AP1M1: variants seen among roughly 807,000 people sequenced by gnomAD.
AP1M1 encodes the protein AP-1 complex subunit mu-1.
A neutral mutation model predicts 57.1 loss-of-function variants in AP1M1; 18 were observed. The ratio of observed to expected loss-of-function variants is 0.32; its 90% CI spans 0.22 to 0.47. The LOEUF (loss-of-function observed/expected upper bound fraction) is 0.47, where lower values mean the gene tolerates loss of function less well. Among genes scored for constraint, AP1M1 ranks in the 20% least tolerant of loss-of-function variants. AP1M1 has a pLI of 1.00. For missense variants in AP1M1, 362 were observed against 593.5 expected (o/e 0.61, Z 4.05); for synonymous variants, 241 against 237.9 (o/e 1.01, Z -0.12).
Position 16,238,611 on chromosome 19 carries a change from T to C in AP1M1, c.*4176T>C, listed in dbSNP as rs903293652. 12 of 152,186 alleles carry C rather than the reference T, an allele frequency of 7.9e-5. No homozygotes were observed. Among genetic ancestry groups the C allele is most frequent in the African/African-American group, 2.9e-4 (12 of 41,444 alleles). The allele number at this position is 152,186 out of a possible 1,614,324, so 9.4% of individuals were successfully genotyped here. A position where few individuals can be genotyped will look rare whatever the true frequency, so the allele number is the denominator to read the frequency against. ...ATTTGAAAAAATTCACATCCCTGGT[T>C]ATCTCTGAAAGGCAAAAACAGGAAG... On this transcript the variant is annotated 3_prime_UTR_variant, in exon 12 of 12. Transcript: ENST00000291439.
chr19:16,205,875 C>T (rs1006978835), intron 2 of AP1M1, among the ~76,000 whole-genome samples: 4 of 152,166 alleles, frequency 2.6e-5, no homozygotes, highest in African/African-American at 9.7e-5. Flanking sequence ...GCTTGTGTTT[C>T]CAAAGCCAGG....
intron 9 of AP1M1, among the ~76,000 whole-genome samples, chr19:16,231,544 C>T (rs2091598325): frequency 6.6e-6 from 1 of 152,096 alleles, no homozygotes; most frequent in African/African-American, 2.4e-5. Context: ...ATTCTCCTGC[C>T]TCAGCCTCCC....
intron 1 of AP1M1, among the ~76,000 whole-genome samples, chr19:16,199,778 T>A (rs2091439814): frequency 1.3e-5 from 2 of 152,158 alleles, no homozygotes; most frequent in Admixed American, 1.3e-4. Context: ...TGAGTCCTGG[T>A]GGAATGAGTC....
In AP1M1 at chr19:16,207,523, A is replaced by G. The variant is rs58524835; in HGVS notation, c.268-496A>G. ...TGGGCTGTGCCTTTCTGTTTTAGTG[A>G]CGCTCCTTCCTTCAGCATTTGTGCC... On this transcript the variant is annotated intron_variant, in intron 3 of 11. Transcript: ENST00000291439. This position sits in a 1 kb window ranked among gnomAD's most constrained non-coding sequence, Gnocchi z 4.2. Among the ~76,000 whole-genome samples the G allele has an allele frequency of 0.11, 16,614 of 152,002 alleles. 1,117 individuals carry two copies. Among genetic ancestry groups the G allele is most frequent in the East Asian group, 0.32 (1,659 of 5,144 alleles).
chr19:16,221,777 C>G (rs1274505134), intron 5 of AP1M1, among the ~76,000 whole-genome samples: 2 of 152,190 alleles, frequency 1.3e-5, no homozygotes, highest in African/African-American at 4.8e-5. Context: ...AACTTTTTTA[C>G]TTTCTACAAA....
At chr19:16,198,106 C>T in intron 1 of AP1M1, 38 bp downstream of exon 1, 1 of 1,590,740 alleles carries the variant, frequency 6.3e-7, no homozygotes, top group Non-Finnish European at 8.5e-7. Flanking sequence ...TGCCAGGCAA[C>T]CGGCAGGGGC....
chr19:16,206,385 T>G lies in AP1M1; in HGVS notation c.244T>G (p.Ser82Ala), dbSNP rs199500241. ...GAACGCGTGCGTGTCGCTGGTCTTT[T>G]CTTTCCTCTATAAGGTGGTGCAGGT... Reference protein sequence around the residue: ...KKNACVSLVFSFLYKVVQVFS... With the variant: ...KKNACVSLVFAFLYKVVQVFS... Residue 82 changes from serine (S) to alanine (A), a missense_variant, in exon 3 of 12, where the codon TCT becomes GCT. Transcript: ENST00000291439. This position sits in a 1 kb window ranked among gnomAD's most constrained non-coding sequence, Gnocchi z 4.3. The G allele has an allele frequency of 1.9e-5, 31 of 1,614,106 alleles. No individual in the cohort carries two copies. In the East Asian group the frequency reaches 6.5e-4, roughly 34 times the overall value.
intron 4 of AP1M1, 97 bp from the exon 5 acceptor site, chr19:16,208,933 C>T: frequency 1.4e-6 from 2 of 1,475,236 alleles, no homozygotes; most frequent in South Asian, 1.3e-5. Flanking sequence ...AGAACCTGCC[C>T]TGTACCCCCC....
rs2290657 is a variant in AP1M1 at position 16,207,970 on chromosome 19, C to T, written c.268-49C>T. The T allele has an allele frequency of 0.096, 152,215 of 1,579,614 alleles. 9,043 individuals carry two copies. Among genetic ancestry groups the T allele is most frequent in the East Asian group, 0.34 (15,262 of 44,568 alleles). Reference sequence around the variant, plus strand: ...AGCGTTCATTCATTCCTCATCCGTCCGCTCAATGATCTGCCTCCCATTCCT... The same window carrying T: ...AGCGTTCATTCATTCCTCATCCGTCTGCTCAATGATCTGCCTCCCATTCCT... On this transcript the variant is annotated intron_variant, in intron 3 of 11. Transcript: ENST00000291439. The surrounding 1 kb of genome is among the most constrained non-coding windows in gnomAD (Gnocchi z 4.2).
chr19:16,213,681 C>T (rs1486050234), intron 5 of AP1M1, among the ~76,000 whole-genome samples: 4 of 152,062 alleles, frequency 2.6e-5, no homozygotes, highest in African/African-American at 9.7e-5. Context: ...TTAGTAGAGA[C>T]GAGGTTTCAC....
Position 16,243,644 on chromosome 19 carries a change from G to C in AP1M1, c.*9209G>C, listed in dbSNP as rs549252371. On this transcript the variant is annotated 3_prime_UTR_variant, in exon 12 of 12. Transcript: ENST00000291439. ...AAAGAAGAAAATATAATGGAAGTTAGAAAATATTAGAGAATGGCCAGGTGC... is the reference window on the plus strand; with the variant it reads ...AAAGAAGAAAATATAATGGAAGTTACAAAATATTAGAGAATGGCCAGGTGC... 1 of 152,124 alleles carries C rather than the reference G, an allele frequency of 6.6e-6. No individual in the cohort carries two copies. Among genetic ancestry groups the C allele is most frequent in the South Asian group, 2.1e-4 (1 of 4,814 alleles). 9.4% of individuals were successfully genotyped at this position (152,124 alleles called of 1,614,324 possible).
At chr19:16,226,969 C>T (rs988606234) in intron 6 of AP1M1, among the ~76,000 whole-genome samples, 12 of 152,168 alleles carry the variant, frequency 7.9e-5, no homozygotes, top group Admixed American at 5.2e-4. Flanking sequence ...CACAGCAGGG[C>T]GGGGGCAGAG....
At position 16,239,028 on chromosome 19, in the gene AP1M1, G is replaced by C. The variant is rs1194532810; in HGVS notation, c.*4593G>C. 2 of 151,720 alleles carry C rather than the reference G, an allele frequency of 1.3e-5. No homozygotes were observed. The highest frequency in any genetic ancestry group is 2.9e-5 in the Non-Finnish European group (2 of 68,078). 9.4% of individuals were successfully genotyped at this position (151,720 alleles called of 1,614,324 possible). A position where few individuals can be genotyped will look rare whatever the true frequency, so the allele number is the denominator to read the frequency against. ...GGCTCACTGCAACCTCCGCCTTCTG[G>C]GTTCAAGCAATTCTCCTGCCTCATC... On this transcript the variant is annotated 3_prime_UTR_variant, in exon 12 of 12. Coordinates refer to ENST00000291439, the MANE Select transcript of AP1M1 (RefSeq NM_032493.4).
At chr19:16,230,226 T>C (rs1214258704) in intron 9 of AP1M1, among the ~76,000 whole-genome samples, 1 of 152,190 alleles carries the variant, frequency 6.6e-6, no homozygotes, top group Non-Finnish European at 1.5e-5. Context: ...GTTTTAGTTT[T>C]TAAACAAATG....
chr19:16,198,120 C>T (rs745749701), intron 1 of AP1M1, 52 bp downstream of exon 1: 3 of 1,584,540 alleles, frequency 1.9e-6, no homozygotes, highest in African/African-American at 2.8e-5. Flanking sequence ...CAGGGGCCTC[C>T]GCCCGCGGGG....
chr19:16,232,492 G>A (rs1313093518), intron 9 of AP1M1, among the ~76,000 whole-genome samples: 2 of 152,240 alleles, frequency 1.3e-5, no homozygotes, highest in African/African-American at 2.4e-5. Flanking sequence ...TGGGGCACAG[G>A]CTAGTCACCG....
chr19:16,200,394 A>G (rs1225004028), intron 1 of AP1M1, among the ~76,000 whole-genome samples: 1 of 152,132 alleles, frequency 6.6e-6, no homozygotes, highest in African/African-American at 2.4e-5. Context: ...TAATGCTGAG[A>G]TGGGAGAGAG....
rs2091608426 is a variant in AP1M1 at position 16,233,615 on chromosome 19, C to T, written c.1170C>T (p.Ile390=). Residue 390 remains isoleucine (I), a synonymous_variant, in exon 10 of 12, where the codon ATC becomes ATT. Coordinates refer to ENST00000291439, the MANE Select transcript of AP1M1 (RefSeq NM_032493.4). ...FEIPYFTTSG[I]QVRYLKIIEK... is the part of the protein sequence containing the mutation. ...TCCCTTACTTCACTACCTCCGGCATCCAGGTACGTAAGGCCCAGGCGGCCG... is the reference window on the plus strand; with the variant it reads ...TCCCTTACTTCACTACCTCCGGCATTCAGGTACGTAAGGCCCAGGCGGCCG... 1 of 1,610,910 alleles carries T rather than the reference C, an allele frequency of 6.2e-7. No homozygotes were observed. Among genetic ancestry groups the T allele is most frequent in the East Asian group, 2.2e-5 (1 of 44,808 alleles).
intron 5 of AP1M1, among the ~76,000 whole-genome samples, chr19:16,212,058 TTTC>T (rs1304272579): frequency 1.3e-5 from 2 of 152,146 alleles, no homozygotes; most frequent in Non-Finnish European, 2.9e-5. Context: ...GGCCTGAAGT[TTTC>T]TTTTTTTGTT....
Sources: allele counts gnomAD v4.1 joint callset (sites outside exome capture counted in the v4.1 genomes callset), GRCh38; gene constraint gnomAD v4.1.1; non-coding constraint Gnocchi (gnomAD v3.1); transcripts MANE v1.5; gene names NCBI Gene and HGNC (gene_info 2026-07-23, HGNC 2026-07-21).